NKD2: variants seen among roughly 807,000 people sequenced by gnomAD.
The protein encoded by NKD2 is NKD inhibitor of Wnt signaling pathway 2, also known as protein naked cuticle homolog 2.
Under a neutral mutation model 34.8 loss-of-function variants are expected in NKD2, and 43 were observed. The observed-to-expected ratio is 1.24, with a 90% confidence interval of 0.97 to 1.60. The LOEUF (loss-of-function observed/expected upper bound fraction) is 1.60. NKD2 is among the 40% of genes most tolerant of loss of function. The pLI is 0.00. For synonymous variants in NKD2, 278 were observed against 265.1 expected (o/e 1.05, Z -0.47); for missense variants, 675 against 627.1 (o/e 1.08, Z -0.82).
chr5:1,030,017 G>GGGGGC (rs1756579035), intron 3 of NKD2, among the ~76,000 whole-genome samples: 1 of 142,692 alleles, frequency 7.0e-6, no homozygotes, highest in African/African-American at 2.5e-5. Context: ...TTGTGGTGCG[G>GGGGGC]GGGGGGGGGT....
At chr5:1,020,962 C>T (rs562153968) in intron 3 of NKD2, among the ~76,000 whole-genome samples, 1 of 152,012 alleles carries the variant, frequency 6.6e-6, no homozygotes, top group African/African-American at 2.4e-5. Flanking sequence ...GAGTGAGGGG[C>T]GTGGGTAGTG....
intron 3 of NKD2, among the ~76,000 whole-genome samples, chr5:1,012,533 C>T (rs1217937470): frequency 1.3e-5 from 2 of 152,260 alleles, no homozygotes; most frequent in South Asian, 2.1e-4. Context: ...GGACCACAGT[C>T]GTAAGACCTG....
intron 3 of NKD2, among the ~76,000 whole-genome samples, chr5:1,028,118 C>CTAAGA (rs1756496700): frequency 6.6e-6 from 1 of 152,068 alleles, no homozygotes; most frequent in South Asian, 2.1e-4. Context: ...TGCATCTTAC[C>CTAAGA]GTCTGGGCTG....
At chr5:1,028,194 A>G (rs888448654) in intron 3 of NKD2, among the ~76,000 whole-genome samples, 4 of 152,152 alleles carry the variant, frequency 2.6e-5, no homozygotes, top group Non-Finnish European at 4.4e-5. Flanking sequence ...GGCGGGGATC[A>G]GATGTCCTCA....
At chr5:1,035,740 T>G in intron 8 of NKD2, 1 of 506,508 alleles carries the variant, frequency 2.0e-6, no homozygotes, top group Admixed American at 3.7e-5. Context: ...GGACTTGCTG[T>G]GGCTCACTGT....
rs979502415 is a variant in NKD2 at position 1,036,788 on chromosome 5, C to T, written c.787+404C>T. 3 of 462,910 alleles carry T rather than the reference C, an allele frequency of 6.5e-6. No homozygotes were observed. The Admixed American group carries it at 7.1e-5, about 11-fold the overall frequency. The allele number at this position is 462,910 out of a possible 1,614,324, so 28.7% of individuals were successfully genotyped here. On this transcript the variant is annotated intron_variant, in intron 9 of 9. Coordinates refer to ENST00000296849, the MANE Select transcript of NKD2 (RefSeq NM_033120.4). ...GTCGTCCAGTAGTGTGGATGGCCGGCAGTGTGGACAACAGGCAGTGTGGAC... is the reference window on the plus strand; with the variant it reads ...GTCGTCCAGTAGTGTGGATGGCCGGTAGTGTGGACAACAGGCAGTGTGGAC...
chr5:1,026,337 A>T (rs1368361208), intron 3 of NKD2, among the ~76,000 whole-genome samples: 107 of 43,934 alleles, frequency 2.4e-3, no homozygotes, highest in African/African-American at 5.0e-3. Flanking sequence ...GTCTCGGTCC[A>T]TTGTCCCTGC....
In NKD2 at chr5:1,009,886, C is replaced by T. The variant is rs1755683108; in HGVS notation, c.141+326C>T. On this transcript the variant is annotated intron_variant, in intron 3 of 9. Coordinates refer to ENST00000296849, the MANE Select transcript of NKD2 (RefSeq NM_033120.4). The surrounding 1 kb of genome is among the most constrained non-coding windows in gnomAD (Gnocchi z 6.9). ...TGGGAGGGGCTGGACCTAGACGTCC[C>T]GGGCTGGGGGTCCCGGGGAGCGGGA... is the stretch of plus-strand genomic sequence containing the variant. 6.6e-6 allele frequency among the ~76,000 whole-genome samples: 1 copy of T among 152,100 alleles called. No individual in the cohort carries two copies. Among genetic ancestry groups the T allele is most frequent in the Admixed American group, 6.5e-5 (1 of 15,304 alleles).
chr5:1,028,573 G>A (rs1430875152), intron 3 of NKD2, among the ~76,000 whole-genome samples: 2 of 152,154 alleles, frequency 1.3e-5, no homozygotes, highest in African/African-American at 4.8e-5. Flanking sequence ...GATGCCATGG[G>A]CGGGAGGGGA....
At position 1,038,765 on chromosome 5, in the gene NKD2, C is replaced by G. The variant is rs1432243192; in HGVS notation, c.*392C>G. On this transcript the variant is annotated 3_prime_UTR_variant, in exon 10 of 10. Coordinates refer to ENST00000296849, the MANE Select transcript of NKD2 (RefSeq NM_033120.4). The surrounding 1 kb of genome is among the most constrained non-coding windows in gnomAD (Gnocchi z 4.5). ...GGCTTCAAGGGGTGACTGCTGTAGG[C>G]TGTCCCAGTGCGAGGCCGGGAGCGA... is the stretch of plus-strand genomic sequence containing the variant. 2 of 462,414 alleles carry G rather than the reference C, an allele frequency of 4.3e-6. No homozygotes were observed. Among genetic ancestry groups the G allele is most frequent in the Non-Finnish European group, 8.0e-6 (2 of 250,970 alleles). The allele number at this position is 462,414 out of a possible 1,614,324, so 28.6% of individuals were successfully genotyped here.
At chr5:1,032,458 C>T (rs1461033535) in intron 4 of NKD2, among the ~76,000 whole-genome samples, 1 of 152,216 alleles carries the variant, frequency 6.6e-6, no homozygotes, top group Non-Finnish European at 1.5e-5. Context: ...TAAGCGTTAC[C>T]TTTATGTGTT....
At chr5:1,029,193 A>T (rs756928281) in intron 3 of NKD2, among the ~76,000 whole-genome samples, 1 of 152,200 alleles carries the variant, frequency 6.6e-6, no homozygotes, top group Non-Finnish European at 1.5e-5. Context: ...TCTCAGAGGT[A>T]GCTGTTGACC....
Position 1,038,386 on chromosome 5 carries a change from G to A in NKD2, c.*13G>A, listed in dbSNP as rs1488320118. 1.3e-6 allele frequency: 2 copies of A among 1,535,584 alleles called. No individual in the cohort carries two copies. The highest frequency in any genetic ancestry group is 2.0e-5 in the Admixed American group (1 of 50,980). On this transcript the variant is annotated 3_prime_UTR_variant, in exon 10 of 10. Transcript: ENST00000296849. The surrounding 1 kb of genome is among the most constrained non-coding windows in gnomAD (Gnocchi z 4.5). ...CCACCCGTCCTAGCGCCACTGCCAA[G>A]CACACCTCGCTCCCAGCACACCACA...
At chr5:1,036,471 GGCCCCTCCCTGCCCTGCCCC>G in intron 9 of NKD2, 87 bp downstream of exon 9, 1 of 1,106,880 alleles carries the variant, frequency 9.0e-7, no homozygotes, top group Non-Finnish European at 1.3e-6. Context: ...GAGTGCAGGG[GGCCCCTCCCTGCCCTGCCCC>G]GCCCCCCCCC....
intron 3 of NKD2, among the ~76,000 whole-genome samples, chr5:1,018,859 G>A (rs979210105): frequency 6.6e-6 from 1 of 152,194 alleles, no homozygotes; most frequent in Non-Finnish European, 1.5e-5. Context: ...CTGTCGTGGG[G>A]AGAGAGTGTC....
At chr5:1,034,120 T>C in intron 5 of NKD2, 115 bp from the exon 6 acceptor site, 1 of 731,320 alleles carries the variant, frequency 1.4e-6, no homozygotes, top group South Asian at 1.6e-5. Context: ...GCTCCGCCTT[T>C]CCTAGCTGGC....
At chr5:1,029,007 CG>C (rs1368875960) in intron 3 of NKD2, among the ~76,000 whole-genome samples, 7 of 152,156 alleles carry the variant, frequency 4.6e-5, no homozygotes, top group Non-Finnish European at 1.5e-5. Flanking sequence ...GCCAGCGGCC[CG>C]GGGGCAGGTT....
intron 9 of NKD2, chr5:1,036,904 G>A (rs1181723353): frequency 2.3e-6 from 1 of 436,380 alleles, no homozygotes; most frequent in African/African-American, 2.1e-5. Context: ...AGTGTGGATG[G>A]CAGCCAGGCA....
intron 3 of NKD2, among the ~76,000 whole-genome samples, chr5:1,031,909 G>A (rs915054407): frequency 1.3e-5 from 2 of 152,198 alleles, no homozygotes; most frequent in African/African-American, 4.8e-5. Flanking sequence ...CCAGGCAGCT[G>A]CATCTTCTAC....
Sources: allele counts gnomAD v4.1 joint callset (sites outside exome capture counted in the v4.1 genomes callset), GRCh38; gene constraint gnomAD v4.1.1; non-coding constraint Gnocchi (gnomAD v3.1); transcripts MANE v1.5; gene names NCBI Gene and HGNC (gene_info 2026-07-23, HGNC 2026-07-21).